PSG4: variants seen among roughly 807,000 people sequenced by gnomAD.
PSG4 encodes the protein pregnancy-specific beta-1-glycoprotein 4.
Under a neutral mutation model 44.3 loss-of-function variants are expected in PSG4, and 61 were observed. The ratio of observed to expected loss-of-function variants is 1.38; its 90% CI spans 1.12 to 1.70. The LOEUF is 1.70. Ranked by LOEUF, PSG4 falls within the 40% of genes most tolerant of loss-of-function variation. The pLI, the probability that PSG4 is intolerant of heterozygous loss-of-function variation, is 0.00. For synonymous variants in PSG4, 248 were observed against 191.3 expected, an observed-to-expected ratio of 1.30 and a Z score of -2.45; for missense variants, 677 against 511.7, an observed-to-expected ratio of 1.32 and a Z score of -3.12.
At chr19:43,200,201 T>C (rs1967439712) in intron 2 of PSG4, among the ~76,000 whole-genome samples, 1 of 144,912 alleles carries the variant, frequency 6.9e-6, no homozygotes, top group South Asian at 2.2e-4. Context: ...CTCGTGTGTC[T>C]GCCCACGTGA....
chr19:43,200,040 T>A (rs1349660966), intron 2 of PSG4, among the ~76,000 whole-genome samples: 1 of 145,552 alleles, frequency 6.9e-6, no homozygotes. Context: ...AAGAACTCCC[T>A]GCTTCTAATT....
chr19:43,205,241 A>G (rs1281737282), intron 1 of PSG4, among the ~76,000 whole-genome samples: 5 of 140,994 alleles, frequency 3.5e-5, no homozygotes, highest in Admixed American at 7.1e-5. Context: ...CTGAGTAGCT[A>G]TGATTACAGG....
At chr19:43,196,458 T>G (rs1967250579) in intron 3 of PSG4, 1 of 151,520 alleles carries the variant, frequency 6.6e-6, no homozygotes, top group Non-Finnish European at 1.5e-5. Flanking sequence ...GAACAAAAAG[T>G]GTTTTGGATT....
intron 1 of PSG4, 112 bp downstream of exon 1, chr19:43,205,361 C>A (rs1425260446): frequency 7.8e-6 from 10 of 1,278,844 alleles, no homozygotes; most frequent in South Asian, 1.2e-5. Context: ...CCCAACTCAG[C>A]CTCCCAAAGT....
chr19:43,195,956 G>A (rs1204144667), intron 3 of PSG4, among the ~76,000 whole-genome samples: 1 of 150,702 alleles, frequency 6.6e-6, no homozygotes, highest in Non-Finnish European at 1.5e-5. Context: ...AAGGAGTCAA[G>A]GGGACAGGCA....
intron 5 of PSG4, chr19:43,193,636 G>A (rs961198517): frequency 1.8e-6 from 1 of 570,140 alleles, no homozygotes; most frequent in Non-Finnish European, 3.1e-6. Context: ...AATTTTATTT[G>A]CTCTAAGTTT....
At position 43,194,381 on chromosome 19, in the gene PSG4, G is replaced by GT; in HGVS notation, c.1201dup (p.Thr401AsnfsTer15). 6.2e-7 allele frequency: 1 copy of GT among 1,612,470 alleles called. No homozygotes were observed. The highest frequency in any genetic ancestry group is 8.5e-7 in the Non-Finnish European group (1 of 1,179,120). ...GATGGATTTGGAGCTTTCCTTGCCA[G>GT]TGGCTGAGTTACGAACAGAGCAAGC... On this transcript the variant is annotated frameshift_variant, in exon 5 of 6. Transcript: ENST00000405312. LOFTEE classifies it low-confidence loss of function (END_TRUNC).
rs115577872 is a variant in PSG4 at position 43,203,791 on chromosome 19, G to A, written c.430+95C>T. The A allele has an allele frequency of 5.0e-3, 7,658 of 1,531,810 alleles. 1,449 individuals are homozygous for A. In the African/African-American group the frequency reaches 0.095, roughly 19 times the overall value. The allele number at this position is 1,531,810 out of a possible 1,614,324, so 94.9% of individuals were successfully genotyped here. On this transcript the variant is annotated intron_variant, in intron 2 of 5. Transcript: ENST00000405312. The stretch of plus-strand genomic sequence containing the variant: ...CCAGCATGGGACTTAATGCAGAGAG[G>A]GACACAGGCAGAGTCCAGGCCTGAG...
At chr19:43,204,298 G>C in intron 1 of PSG4, 47 bp from the exon 2 acceptor site, 1 of 1,509,376 alleles carries the variant, frequency 6.6e-7, no homozygotes, top group South Asian at 1.3e-5. Context: ...CTATGTATTG[G>C]GGTGAAAAGA....
Position 43,193,140 on chromosome 19 carries a change from G to T in PSG4, c.*232C>A. On this transcript the variant is annotated 3_prime_UTR_variant, in exon 6 of 6. Transcript: ENST00000405312. ...TTGTTCTGACATCTTTGGAAAAACT[G>T]TCCACAGTGTGAAGTCATCAACTTG... 2.9e-6 allele frequency: 2 copies of T among 678,316 alleles called. No individual in the cohort carries two copies. The highest frequency in any genetic ancestry group is 3.1e-5 in the South Asian group (2 of 63,592). The allele number at this position is 678,316 out of a possible 1,614,324, so 42.0% of individuals were successfully genotyped here.
chr19:43,193,284 C>A lies in PSG4; in HGVS notation c.*88G>T, dbSNP rs1394680370. The A allele has an allele frequency of 1.3e-5, 10 of 771,676 alleles. No individual in the cohort carries two copies. The highest frequency in any genetic ancestry group is 6.8e-5 in the Admixed American group (4 of 58,886). The allele number at this position is 771,676 out of a possible 1,614,324, so 47.8% of individuals were successfully genotyped here. A position where few individuals can be genotyped will look rare whatever the true frequency, so the allele number is the denominator to read the frequency against. On this transcript the variant is annotated 3_prime_UTR_variant, in exon 6 of 6. Coordinates refer to ENST00000405312, the MANE Select transcript of PSG4 (RefSeq NM_002780.5). ...CATGAAATTTACATCGAGTTGTCCA[C>A]CTCCAGCTTATAGGGCTTCTGGAAC...
At position 43,195,146 on chromosome 19, in the gene PSG4, G is replaced by C. The variant is rs756446301; in HGVS notation, c.837C>G (p.Ser279Arg). Residue 279 changes from serine to arginine, a missense_variant, in exon 4 of 6, where the codon AGC (serine) becomes AGG (arginine). Ser to Arg is a moderately radical substitution (Grantham distance 110). Coordinates refer to ENST00000405312, the MANE Select transcript of PSG4 (RefSeq NM_002780.5). ...GCTTTACCCTGGGACTGACAGGGAG[G>C]CTCTGACCATTTAGCCACCAAATGT... is the stretch of plus-strand genomic sequence containing the variant. ...YTYIWWLNGQ[S>R]LPVSPRVKRP... The C allele has an allele frequency of 8.1e-6, 13 of 1,610,432 alleles. No homozygotes were observed. The highest frequency in any genetic ancestry group is 1.1e-5 in the Non-Finnish European group (13 of 1,179,024).
In PSG4 at chr19:43,198,203, G is replaced by C. The variant is rs143978380; in HGVS notation, c.503C>G (p.Thr168Ser). 333 of 1,587,704 alleles carry C rather than the reference G, an allele frequency of 2.1e-4. 84 individuals carry two copies. The East Asian group carries it at 7.2e-3, about 34-fold the overall frequency. The change falls in exon 3 of 6, where the codon ACC becomes AGC. Residue 168 changes from threonine to serine, a missense_variant. Coordinates refer to ENST00000405312, the MANE Select transcript of PSG4 (RefSeq NM_002780.5). ...TGCGGCTGGAGTCGCAGGATCACAG[G>C]TTAAGATCACAGCCTCCATGGCCTC... Reference protein sequence around the residue: ...PREAMEAVILTCDPATPAASY... With the variant: ...PREAMEAVILSCDPATPAASY...
intron 1 of PSG4, among the ~76,000 whole-genome samples, chr19:43,205,111 C>CTTTTTTTTTTTT (rs59165427): frequency 0.17 from 15,040 of 89,308 alleles, 2,655 homozygotes; most frequent in Non-Finnish European, 0.2. Context: ...TTCCTTTTTT[C>CTTTTTTTTTTTT]TTTTTTTTTT....
Position 43,197,726 on chromosome 19 carries a change from T to C in PSG4, c.709+271A>G, listed in dbSNP as rs1366041792. On this transcript the variant is annotated intron_variant, in intron 3 of 5. Coordinates refer to ENST00000405312, the MANE Select transcript of PSG4 (RefSeq NM_002780.5). ...AAGTCCCAGCCAAATCCCCGCTGTG[T>C]TCACTGATCTGGAGCCTGAGACCTT... 2.4e-5 allele frequency: 17 copies of C among 696,038 alleles called. 1 individual carries two copies. Among genetic ancestry groups the C allele is most frequent in the Non-Finnish European group, 3.7e-5 (17 of 461,618 alleles). 43.1% of individuals were successfully genotyped at this position (696,038 alleles called of 1,614,324 possible). A position where few individuals can be genotyped will look rare whatever the true frequency, so the allele number is the denominator to read the frequency against.
chr19:43,203,944 G>C lies in PSG4; in HGVS notation c.372C>G (p.Ile124Met). The C allele has an allele frequency of 6.3e-7, 1 of 1,586,924 alleles. No individual in the cohort carries two copies. The highest frequency in any genetic ancestry group is 8.5e-7 in the Non-Finnish European group (1 of 1,171,394). Residue 124 changes from isoleucine (I) to methionine (M), a missense_variant, in exon 2 of 6, where the codon ATC becomes ATG. Transcript: ENST00000405312. ...QEDAGSYTLHIIKRRDGTGGV... is the reference protein window; with the variant it reads ...QEDAGSYTLHMIKRRDGTGGV... ...CTCCAGTCCCATCGCGTCGCTTTAT[G>C]ATGTGTAAGGTGTAGGATCCTGCAT...
At chr19:43,198,395 G>A (rs1303341464) in intron 2 of PSG4, 120 bp from the exon 3 acceptor site, 1 of 1,442,730 alleles carries the variant, frequency 6.9e-7, no homozygotes, top group Non-Finnish European at 9.2e-7. Context: ...AAAAGCCCAT[G>A]GAAGATGTGT....
chr19:43,204,798 T>A, intron 1 of PSG4: 3 of 395,448 alleles, frequency 7.6e-6, no homozygotes, highest in Non-Finnish European at 1.5e-5. Context: ...GATGTGAGAG[T>A]TCTCAGGGTC....
Position 43,195,281 on chromosome 19 carries a change from G to A in PSG4, c.710-8C>T, listed in dbSNP as rs778409725. On this transcript the variant is annotated splice_region_variant and splice_polypyrimidine_tract_variant and intron_variant, in intron 3 of 5. Transcript: ENST00000405312. ...AGGGCTTGGACAGCTTTGCTGTGTG[G>A]ATAACAGAGAGAAGATTGTCCTGTG... 6.2e-7 allele frequency: 1 copy of A among 1,609,316 alleles called. No homozygotes were observed. The highest frequency in any genetic ancestry group is 8.5e-7 in the Non-Finnish European group (1 of 1,177,992).
Sources: gnomAD v4.1 joint callset for allele counts (sites outside exome capture counted in the v4.1 genomes callset) on GRCh38, gnomAD v4.1.1 for gene constraint, MANE v1.5 for transcripts, NCBI Gene and HGNC (gene_info 2026-07-23, HGNC 2026-07-21) for gene names.